Variants in RAB3C observed in about 807,000 individuals in gnomAD.
The protein encoded by RAB3C is RAB3C, member RAS oncogene family, also known as ras-related protein Rab-3C.
In RAB3C, 17 loss-of-function variants were observed where a neutral mutation model predicts 26.4. The ratio of observed to expected loss-of-function variants is 0.64; its 90% CI spans 0.44 to 0.97. The LOEUF (loss-of-function observed/expected upper bound fraction) is 0.97, where lower values mean the gene tolerates loss of function less well. Ranked by LOEUF, RAB3C falls within the 50% of genes least tolerant of loss-of-function variation. RAB3C has a pLI of 0.00. For synonymous variants in RAB3C, 91 were observed against 95.9 expected (o/e 0.95, Z 0.30); for missense variants, 242 against 281.9 (o/e 0.86, Z 1.01).
intron 3 of RAB3C, among the ~76,000 whole-genome samples, chr5:58,819,327 T>G (rs865926386): frequency 1.6e-4 from 25 of 152,188 alleles, no homozygotes; most frequent in African/African-American, 5.5e-4. Context: ...AATTGTTGAG[T>G]CTGAGTTGGA....
chr5:58,648,393 TAGAG>T (rs915182427), intron 2 of RAB3C, among the ~76,000 whole-genome samples: 3 of 152,214 alleles, frequency 2.0e-5, no homozygotes, highest in Admixed American at 2.0e-4. Flanking sequence ...TGTCTTCTCT[TAGAG>T]AGATCACAAT....
intron 2 of RAB3C, among the ~76,000 whole-genome samples, chr5:58,646,995 A>T (rs774030866): frequency 6.6e-6 from 1 of 152,208 alleles, no homozygotes; most frequent in Non-Finnish European, 1.5e-5. Context: ...GTCCACCTAT[A>T]AAGTATCCAG....
intron 3 of RAB3C, among the ~76,000 whole-genome samples, chr5:58,759,886 T>A (rs1035589795): frequency 8.5e-5 from 13 of 152,222 alleles, no homozygotes; most frequent in Non-Finnish European, 1.0e-4. Flanking sequence ...AACTACCTGA[T>A]GGCAAATTTA....
intron 2 of RAB3C, among the ~76,000 whole-genome samples, chr5:58,621,478 G>A (rs542632240): frequency 1.7e-4 from 26 of 152,322 alleles, no homozygotes; most frequent in South Asian, 4.1e-4. Flanking sequence ...AGTGTTGTAT[G>A]ACAAAAATTG....
intron 3 of RAB3C, among the ~76,000 whole-genome samples, chr5:58,739,481 C>T (rs766687288): frequency 6.6e-6 from 1 of 151,848 alleles, no homozygotes; most frequent in African/African-American, 2.4e-5. Flanking sequence ...TTATCAATTA[C>T]GAACCAACCT....
intron 1 of RAB3C, among the ~76,000 whole-genome samples, chr5:58,600,310 T>G (rs1400677531): frequency 6.6e-6 from 1 of 152,174 alleles, no homozygotes; most frequent in African/African-American, 2.4e-5. Flanking sequence ...TTAATCTTGC[T>G]TTGGCTATGC....
At chr5:58,737,363 T>C (rs1000672925) in intron 3 of RAB3C, among the ~76,000 whole-genome samples, 8 of 142,226 alleles carry the variant, frequency 5.6e-5, no homozygotes, top group Non-Finnish European at 7.6e-5. Flanking sequence ...CTCTGTTTTA[T>C]GTCTTTTTCA....
At chr5:58,762,510 T>C (rs1014494799) in intron 3 of RAB3C, among the ~76,000 whole-genome samples, 1 of 152,100 alleles carries the variant, frequency 6.6e-6, no homozygotes, top group Admixed American at 6.5e-5. Flanking sequence ...CTGGCCAACA[T>C]GGAGAAACCC....
intron 3 of RAB3C, among the ~76,000 whole-genome samples, chr5:58,742,591 G>T (rs1181115076): frequency 6.6e-6 from 1 of 152,140 alleles, no homozygotes; most frequent in African/African-American, 2.4e-5. Context: ...AAATATCTAA[G>T]CAACTTGAAA....
intron 3 of RAB3C, among the ~76,000 whole-genome samples, chr5:58,766,826 C>T (rs1201399334): frequency 6.6e-6 from 1 of 152,152 alleles, no homozygotes; most frequent in Non-Finnish European, 1.5e-5. Flanking sequence ...CACAGGCTAG[C>T]ATGTAGAATC....
At chr5:58,688,821 A>G (rs1748501181) in intron 2 of RAB3C, among the ~76,000 whole-genome samples, 1 of 152,184 alleles carries the variant, frequency 6.6e-6, no homozygotes, top group East Asian at 1.9e-4. Context: ...ATCAGTAGAA[A>G]TGGTCTCTTG....
intron 2 of RAB3C, among the ~76,000 whole-genome samples, chr5:58,654,114 T>A (rs1289123775): frequency 6.6e-6 from 1 of 152,222 alleles, no homozygotes; most frequent in Non-Finnish European, 1.5e-5. Flanking sequence ...GCACTTTTTG[T>A]TAGATGAGCT....
At chr5:58,665,996 A>G (rs1235989403) in intron 2 of RAB3C, among the ~76,000 whole-genome samples, 1 of 152,150 alleles carries the variant, frequency 6.6e-6, no homozygotes, top group African/African-American at 2.4e-5. Context: ...GCACTAAAAT[A>G]TTGAGGGACA....
chr5:58,838,138 T>C lies in RAB3C; in HGVS notation c.496+12976T>C, dbSNP rs557315956. Among the ~76,000 whole-genome samples, 3 of 152,160 alleles carry C rather than the reference T, an allele frequency of 2.0e-5. No individual in the cohort carries two copies. In the South Asian group the frequency reaches 6.2e-4, roughly 32 times the overall value. The stretch of plus-strand genomic sequence containing the variant: ...GCTCACGCCTGTAATCCCAGTACTT[T>C]GGGAGGCCAAGGCAGGCAGATCACG... On this transcript the variant is annotated intron_variant, in intron 4 of 4. Coordinates refer to ENST00000282878, the MANE Select transcript of RAB3C (RefSeq NM_138453.4).
chr5:58,755,314 C>T (rs1272565324), intron 3 of RAB3C, among the ~76,000 whole-genome samples: 1 of 152,220 alleles, frequency 6.6e-6, no homozygotes, highest in South Asian at 2.1e-4. Flanking sequence ...TGTCTACTTG[C>T]AATTATCATT....
intron 3 of RAB3C, among the ~76,000 whole-genome samples, chr5:58,735,749 C>T (rs368848532): frequency 5.3e-5 from 8 of 152,136 alleles, no homozygotes; most frequent in African/African-American, 1.4e-4. Flanking sequence ...TTGGGAAGCC[C>T]GGTGGGCCCC....
intron 2 of RAB3C, among the ~76,000 whole-genome samples, chr5:58,697,541 T>G (rs1156452031): frequency 6.6e-6 from 1 of 152,202 alleles, no homozygotes; most frequent in African/African-American, 2.4e-5. Flanking sequence ...TCTCCCATTA[T>G]TATTGTGTGG....
At chr5:58,837,575 T>C (rs1743778784) in intron 4 of RAB3C, among the ~76,000 whole-genome samples, 1 of 150,298 alleles carries the variant, frequency 6.7e-6, no homozygotes, top group East Asian at 1.9e-4. Context: ...TTTTTTTTTT[T>C]TGAAACAAGG....
At chr5:58,717,529 G>C (rs1393570403) in intron 2 of RAB3C, among the ~76,000 whole-genome samples, 1 of 152,094 alleles carries the variant, frequency 6.6e-6, no homozygotes, top group Non-Finnish European at 1.5e-5. Flanking sequence ...GAGCCTGTTA[G>C]GGCTCTCTCG....
Sources: gnomAD v4.1 joint callset for allele counts (sites outside exome capture counted in the v4.1 genomes callset) on GRCh38, gnomAD v4.1.1 for gene constraint, MANE v1.5 for transcripts, NCBI Gene and HGNC (gene_info 2026-07-23, HGNC 2026-07-21) for gene names.